The following SLC35D1 variants were observed in gnomAD, a reference collection of about 807,000 sequenced individuals.
The protein encoded by SLC35D1 is solute carrier family 35 member D1, also known as nucleotide sugar transporter SLC35D1.
A neutral mutation model predicts 46.7 loss-of-function variants in SLC35D1; 31 were observed. The ratio of observed to expected loss-of-function variants is 0.66; its 90% CI spans 0.50 to 0.90. The LOEUF is 0.90. SLC35D1 is among the 40% of genes least tolerant of loss of function. The pLI, the probability that SLC35D1 is intolerant of heterozygous loss-of-function variation, is 0.00. For synonymous variants in SLC35D1, 195 were observed against 164.6 expected, an observed-to-expected ratio of 1.18 and a Z score of -1.41; for missense variants, 397 against 426.2, an observed-to-expected ratio of 0.93 and a Z score of 0.60.
intron 1 of SLC35D1, among the ~76,000 whole-genome samples, 187 bp downstream of exon 1, chr1:67,053,624 C>A (rs1467147573): frequency 6.6e-6 from 1 of 151,942 alleles, no homozygotes; most frequent in Non-Finnish European, 1.5e-5. Context: ...CGGACCCCTG[C>A]CACAGGCCCG....
downstream of SLC35D1, among the ~76,000 whole-genome samples, chr1:66,994,441 C>T (rs910784625): frequency 9.9e-5 from 15 of 151,994 alleles, no homozygotes; most frequent in Admixed American, 9.2e-4. Context: ...GTCAGGAGTT[C>T]GAGACCAGCC....
At chr1:66,982,177 C>T in the SLC35D1 span, among the ~76,000 whole-genome samples, 2 of 152,192 alleles carry the variant, frequency 1.3e-5, no homozygotes, top group African/African-American at 4.8e-5. Context: ...TTTTCAGTAG[C>T]ATCTCTTTTC....
downstream of SLC35D1, among the ~76,000 whole-genome samples, chr1:66,996,693 G>A (rs1393812930): frequency 6.6e-6 from 1 of 152,328 alleles, no homozygotes; most frequent in East Asian, 1.9e-4. Flanking sequence ...GACCCACTGT[G>A]GGTACACAAT....
chr1:67,053,063 G>A (rs1645327895), intron 1 of SLC35D1, 74 bp from the exon 2 acceptor site: 3 of 1,539,530 alleles, frequency 1.9e-6, no homozygotes, highest in Admixed American at 1.8e-5. Flanking sequence ...TTTGCACATC[G>A]GCAACGTTAA....
chr1:67,034,769 A>G (rs1668088524), intron 8 of SLC35D1, among the ~76,000 whole-genome samples: 2 of 152,188 alleles, frequency 1.3e-5, no homozygotes, highest in African/African-American at 4.8e-5. Flanking sequence ...GATCTTAGAA[A>G]AAAGGCTTTC....
intron 6 of SLC35D1, among the ~76,000 whole-genome samples, chr1:67,049,211 G>A (rs1411046550): frequency 6.6e-6 from 1 of 151,730 alleles, no homozygotes; most frequent in Non-Finnish European, 1.5e-5. Context: ...GGAGAATGGC[G>A]TAAACCTGGG....
chr1:66,975,019 G>A, the SLC35D1 span, among the ~76,000 whole-genome samples: 11,286 of 152,054 alleles, frequency 0.074, 519 homozygotes, highest in African/African-American at 0.13. Flanking sequence ...TTTTTTTAAA[G>A]TCCTGATTGC....
At chr1:66,981,994 T>C in the SLC35D1 span, 2 of 1,511,352 alleles carry the variant, frequency 1.3e-6, no homozygotes, top group South Asian at 2.4e-5. Flanking sequence ...AAATTCCGTT[T>C]GGGTTTCTAT....
At chr1:67,038,492 G>C (rs371251624) in intron 8 of SLC35D1, among the ~76,000 whole-genome samples, 20 of 152,170 alleles carry the variant, frequency 1.3e-4, no homozygotes, top group East Asian at 9.7e-4. Context: ...ACCTAGCAGG[G>C]TGTGCTGCCA....
chr1:67,019,034 CTG>C (rs1667741407), intron 10 of SLC35D1, among the ~76,000 whole-genome samples: 1 of 152,142 alleles, frequency 6.6e-6, no homozygotes, highest in African/African-American at 2.4e-5. Context: ...TCTTGGACTA[CTG>C]TGAGGAGAAA....
At chr1:66,981,510 C>T in the SLC35D1 span, among the ~76,000 whole-genome samples, 1 of 152,180 alleles carries the variant, frequency 6.6e-6, no homozygotes, top group African/African-American at 2.4e-5. Flanking sequence ...CCACTCTGAG[C>T]ACCTGCCTAC....
intron 11 of SLC35D1, 95 bp from the exon 12 acceptor site, chr1:67,004,543 T>C: frequency 1.0e-6 from 1 of 995,224 alleles, no homozygotes; most frequent in Non-Finnish European, 1.6e-6. Context: ...AAAAATTAGA[T>C]GAAGAGTAAA....
At position 67,001,243 on chromosome 1, in the gene SLC35D1, C is replaced by T. The variant is rs1399532308; in HGVS notation, c.*3097G>A. On this transcript the variant is annotated 3_prime_UTR_variant, in exon 12 of 12. Transcript: ENST00000235345. Reference sequence around the variant, plus strand: ...CTGTTTCTCCGTGAGGATCCTGCACCAGCTGTACTGACCAAAACCCTCCAT... The same window carrying T: ...CTGTTTCTCCGTGAGGATCCTGCACTAGCTGTACTGACCAAAACCCTCCAT... 1 of 152,158 alleles carries T rather than the reference C, an allele frequency of 6.6e-6. No individual in the cohort carries two copies. The allele number at this position is 152,158 out of a possible 1,614,324, so 9.4% of individuals were successfully genotyped here. A position where few individuals can be genotyped will look rare whatever the true frequency, so the allele number is the denominator to read the frequency against.
chr1:66,979,656 T>C, the SLC35D1 span, among the ~76,000 whole-genome samples: 1 of 152,326 alleles, frequency 6.6e-6, no homozygotes, highest in Middle Eastern at 3.4e-3. Flanking sequence ...ATGCTATTAA[T>C]CTTTAGGAAA....
At chr1:66,975,670 A>G in the SLC35D1 span, among the ~76,000 whole-genome samples, 1 of 152,192 alleles carries the variant, frequency 6.6e-6, no homozygotes, top group African/African-American at 2.4e-5. Context: ...TGTCAGCATC[A>G]TTTAATTCCG....
chr1:66,985,828 TTTTTTTTTTA>T, the SLC35D1 span: 1 of 860,488 alleles, frequency 1.2e-6, no homozygotes, highest in South Asian at 5.3e-5. Flanking sequence ...TTTTTTTTTT[TTTTTTTTTTA>T]AATTTCTACT....
chr1:67,006,201 C>T (rs1301404633), intron 11 of SLC35D1, among the ~76,000 whole-genome samples: 1 of 152,142 alleles, frequency 6.6e-6, no homozygotes, highest in Non-Finnish European at 1.5e-5. Context: ...TTCCTTCATC[C>T]AGCAGCTTTT....
downstream of SLC35D1, among the ~76,000 whole-genome samples, chr1:66,996,576 C>T (rs1388180311): frequency 6.6e-6 from 1 of 152,186 alleles, no homozygotes; most frequent in Non-Finnish European, 1.5e-5. Flanking sequence ...TGGGTGCTGG[C>T]CCCAGTGAAC....
chr1:67,048,504 C>A (rs1645273526), intron 6 of SLC35D1, among the ~76,000 whole-genome samples: 1 of 152,170 alleles, frequency 6.6e-6, no homozygotes, highest in Non-Finnish European at 1.5e-5. Flanking sequence ...TTTCTAGTAA[C>A]CAATTACGCC....
Sources: allele counts gnomAD v4.1 joint callset (sites outside exome capture counted in the v4.1 genomes callset), GRCh38; gene constraint gnomAD v4.1.1; transcripts MANE v1.5; gene names NCBI Gene and HGNC (gene_info 2026-07-23, HGNC 2026-07-21).